DCP1A: variants seen among roughly 807,000 people sequenced by gnomAD.
The protein encoded by DCP1A is decapping mRNA 1A.
Under a neutral mutation model 58.0 loss-of-function variants are expected in DCP1A, and 20 were observed. The ratio of observed to expected loss-of-function variants is 0.34; its 90% CI spans 0.24 to 0.50. DCP1A has a LOEUF of 0.50. Ranked by LOEUF, DCP1A falls within the 20% of genes least tolerant of loss-of-function variation. The pLI is 0.98. For missense variants in DCP1A, 613 were observed against 712.2 expected, an observed-to-expected ratio of 0.86 and a Z score of 1.59; for synonymous variants, 285 against 275.1, an observed-to-expected ratio of 1.04 and a Z score of -0.36.
Position 53,344,125 on chromosome 3 carries a change from T to C in DCP1A, c.176+777A>G, listed in dbSNP as rs1045192096. Among the ~76,000 whole-genome samples the C allele has an allele frequency of 4.6e-5, 7 of 151,652 alleles. 1 individual carries two copies. Among genetic ancestry groups the C allele is most frequent in the Middle Eastern group, 6.8e-3 (2 of 294 alleles). On this transcript the variant is annotated intron_variant, in intron 2 of 9. Coordinates refer to ENST00000610213, the MANE Select transcript of DCP1A (RefSeq NM_018403.7). ...CATCAATGGAGAAAGGCAATCCTTA[T>C]GAAGCAACTCAATACAAAAAAAAAA...
At position 53,321,517 on chromosome 3, in the gene DCP1A, T is replaced by A. The variant is rs1707965282; in HGVS notation, c.305-2044A>T. 2.0e-5 allele frequency among the ~76,000 whole-genome samples: 3 copies of A among 152,038 alleles called. 1 individual carries two copies. In the South Asian group the frequency reaches 6.2e-4, roughly 32 times the overall value. Reference sequence around the variant, plus strand: ...GGCGGAGCACCTGAGGTCAGGAGTTTGAGACCAGCCTGGCCAACATGGTGA... The same window carrying A: ...GGCGGAGCACCTGAGGTCAGGAGTTAGAGACCAGCCTGGCCAACATGGTGA... On this transcript the variant is annotated intron_variant, in intron 3 of 9. Coordinates refer to ENST00000610213, the MANE Select transcript of DCP1A (RefSeq NM_018403.7).
intron 3 of DCP1A, among the ~76,000 whole-genome samples, chr3:53,324,323 G>A (rs1055411937): frequency 6.6e-6 from 1 of 152,208 alleles, no homozygotes; most frequent in Non-Finnish European, 1.5e-5. Context: ...CATATCAAAC[G>A]GTCAGTGCGT....
intron 3 of DCP1A, among the ~76,000 whole-genome samples, chr3:53,320,541 T>C (rs782522969): frequency 8.5e-5 from 13 of 152,212 alleles, no homozygotes; most frequent in Non-Finnish European, 1.5e-4. Flanking sequence ...GGTATCATTA[T>C]GCTTTTTTTA....
At chr3:53,289,873 A>G (rs1443814652) in intron 8 of DCP1A, among the ~76,000 whole-genome samples, 1 of 152,190 alleles carries the variant, frequency 6.6e-6, no homozygotes, top group African/African-American at 2.4e-5. Context: ...AAGAGCACAG[A>G]GCGGGCCACA....
intron 5 of DCP1A, among the ~76,000 whole-genome samples, chr3:53,309,109 C>T (rs1396868816): frequency 6.6e-6 from 1 of 152,146 alleles, no homozygotes; most frequent in Non-Finnish European, 1.5e-5. Flanking sequence ...CGGTGGCTCA[C>T]GCCTGTAATC....
intron 6 of DCP1A, among the ~76,000 whole-genome samples, chr3:53,301,426 C>T (rs1164539834): frequency 2.0e-5 from 3 of 152,078 alleles, no homozygotes; most frequent in African/African-American, 7.2e-5. Context: ...ACCACCACCA[C>T]CATGCCCGTC....
At chr3:53,331,922 G>A (rs1179825349) in intron 3 of DCP1A, among the ~76,000 whole-genome samples, 1 of 152,216 alleles carries the variant, frequency 6.6e-6, no homozygotes. Context: ...CTTGTAGCAG[G>A]TATGTACTGG....
At chr3:53,294,321 G>A (rs910552722) in intron 6 of DCP1A, among the ~76,000 whole-genome samples, 13 of 152,156 alleles carry the variant, frequency 8.5e-5, no homozygotes, top group African/African-American at 2.4e-4. Context: ...AACTGGAGTT[G>A]GAATGGAAGG....
At chr3:53,318,810 A>C (rs1414663979) in intron 4 of DCP1A, among the ~76,000 whole-genome samples, 1 of 152,220 alleles carries the variant, frequency 6.6e-6, no homozygotes, top group Non-Finnish European at 1.5e-5. Flanking sequence ...TGTGTCAAAA[A>C]CAAGTTCACT....
chr3:53,346,858 G>GACCC (rs2089298152), intron 1 of DCP1A, among the ~76,000 whole-genome samples: 1 of 151,996 alleles, frequency 6.6e-6, no homozygotes, highest in African/African-American at 2.4e-5. Context: ...ATTAAAGCCG[G>GACCC]ACCCACCCAC....
At chr3:53,338,239 C>T (rs1425652644) in intron 3 of DCP1A, 4 of 361,902 alleles carry the variant, frequency 1.1e-5, no homozygotes, top group Admixed American at 9.0e-5. Flanking sequence ...ATTGCAATCC[C>T]ACTGGGGTCT....
intron 3 of DCP1A, among the ~76,000 whole-genome samples, chr3:53,321,089 C>T (rs1238324274): frequency 6.6e-6 from 1 of 152,262 alleles, no homozygotes; most frequent in East Asian, 1.9e-4. Flanking sequence ...CCTACCCGGG[C>T]CACCTTCTGT....
At chr3:53,296,870 T>C (rs1329531453) in intron 6 of DCP1A, among the ~76,000 whole-genome samples, 2 of 152,232 alleles carry the variant, frequency 1.3e-5, no homozygotes, top group African/African-American at 4.8e-5. Context: ...TGTTTGAATG[T>C]CTGTTTTCAA....
At chr3:53,335,576 G>A (rs2089098867) in intron 3 of DCP1A, among the ~76,000 whole-genome samples, 1 of 152,114 alleles carries the variant, frequency 6.6e-6, no homozygotes, top group East Asian at 1.9e-4. Flanking sequence ...TTATCATTCT[G>A]AAATTCTTAT....
chr3:53,290,778 A>AAAAAAAAC lies in DCP1A; in HGVS notation c.1449+12_1449+13insGTTTTTTT. 2 of 1,225,422 alleles carry AAAAAAAAC rather than the reference A, an allele frequency of 1.6e-6. No homozygotes were observed. The highest frequency in any genetic ancestry group is 2.2e-5 in the Admixed American group (1 of 45,680). 75.9% of individuals were successfully genotyped at this position (1,225,422 alleles called of 1,614,324 possible). On this transcript the variant is annotated intron_variant, in intron 8 of 9. Coordinates refer to ENST00000610213, the MANE Select transcript of DCP1A (RefSeq NM_018403.7). Reference sequence around the variant, plus strand: ...AAAAAAAAAAAAAAAAAAAAAAAAAAGCGAGTCCTTACCGGGATGGCACTG... The same window carrying AAAAAAAAC: ...AAAAAAAAAAAAAAAAAAAAAAAAAAAAAAAAACGCGAGTCCTTACCGGGATGGCACTG...
chr3:53,340,924 T>C (rs1467234556), intron 3 of DCP1A, among the ~76,000 whole-genome samples: 3 of 152,116 alleles, frequency 2.0e-5, no homozygotes, highest in African/African-American at 7.2e-5. Flanking sequence ...TCCAACAGGG[T>C]AATAGTTATG....
At chr3:53,292,009 A>G (rs1423923812) in intron 7 of DCP1A, 60 bp downstream of exon 7, 19 of 1,499,046 alleles carry the variant, frequency 1.3e-5, no homozygotes, top group Non-Finnish European at 1.6e-5. Flanking sequence ...AGGTCTCTGT[A>G]GTTTCATCCC....
chr3:53,311,483 C>T (rs1707642358), intron 5 of DCP1A, among the ~76,000 whole-genome samples: 2 of 152,080 alleles, frequency 1.3e-5, no homozygotes, highest in Admixed American at 6.6e-5. Context: ...ACGAAAGTAC[C>T]ACAATTGCCA....
chr3:53,302,157 G>T (rs782087945), intron 6 of DCP1A, among the ~76,000 whole-genome samples: 3 of 152,194 alleles, frequency 2.0e-5, no homozygotes, highest in Non-Finnish European at 2.9e-5. Flanking sequence ...AACATGTGTG[G>T]ATTGTGTTAA....
Sources: allele counts gnomAD v4.1 joint callset (sites outside exome capture counted in the v4.1 genomes callset), GRCh38; gene constraint gnomAD v4.1.1; transcripts MANE v1.5; gene names NCBI Gene and HGNC (gene_info 2026-07-23, HGNC 2026-07-21).